The following MAP2K5 variants were observed in gnomAD, a reference collection of about 807,000 sequenced individuals.
MAP2K5 encodes mitogen-activated protein kinase kinase 5.
A neutral mutation model predicts 83.1 loss-of-function variants in MAP2K5; 49 were observed. The observed-to-expected ratio is 0.59, with a 90% CI of 0.47 to 0.75. The LOEUF (loss-of-function observed/expected upper bound fraction) is 0.75. Among genes scored for constraint, MAP2K5 ranks in the 30% least tolerant of loss-of-function variants. The probability of loss-of-function intolerance (pLI) is 0.00; values close to 1 mark genes in which losing one functional copy is unlikely to be tolerated. For synonymous variants in MAP2K5, 202 were observed against 191.8 expected (o/e 1.05, Z -0.44); for missense variants, 457 against 557.5 (o/e 0.82, Z 1.82).
chr15:67,738,886 T>C lies in MAP2K5; in HGVS notation c.1075-9345T>C, dbSNP rs965386186. The stretch of plus-strand genomic sequence containing the variant: ...CTGTCCACACCTTCAGCCCTCTTGC[T>C]CATCACCATCTCCCTCCGATTACTT... On this transcript the variant is annotated intron_variant, in intron 17 of 21. Transcript: ENST00000178640. The surrounding 1 kb of genome is among the most constrained non-coding windows in gnomAD (Gnocchi z 4.1). 1.3e-5 allele frequency among the ~76,000 whole-genome samples: 2 copies of C among 152,214 alleles called. No individual in the cohort carries two copies. Among genetic ancestry groups the C allele is most frequent in the African/African-American group, 2.4e-5 (1 of 41,452 alleles).
At chr15:67,610,108 A>C (rs28489575) in intron 8 of MAP2K5, among the ~76,000 whole-genome samples, 3 of 152,208 alleles carry the variant, frequency 2.0e-5, no homozygotes, top group African/African-American at 7.2e-5. Context: ...TCCCAAGCCA[A>C]GGTTTTTCTG....
At chr15:67,763,978 T>C (rs957515100) in intron 19 of MAP2K5, among the ~76,000 whole-genome samples, 4 of 152,234 alleles carry the variant, frequency 2.6e-5, no homozygotes, top group African/African-American at 9.6e-5. Flanking sequence ...TTTTAAATTA[T>C]AGAGTGTGAC....
chr15:67,648,532 T>C (rs752343125), intron 11 of MAP2K5, among the ~76,000 whole-genome samples: 1 of 152,126 alleles, frequency 6.6e-6, no homozygotes, highest in Non-Finnish European at 1.5e-5. Context: ...AATGCTACTC[T>C]ATATATTTGT....
rs974017102 is a variant in MAP2K5, at chr15:67,616,398, G to A, written c.546-14490G>A. Among the ~76,000 whole-genome samples, 4 of 151,518 alleles carry A rather than the reference G, an allele frequency of 2.6e-5. No homozygotes were observed. In the South Asian group the frequency reaches 6.2e-4, roughly 24 times the overall value. ...GACAATGATTTATTTGTCTTGTCTC[G>A]ATCAAACTTTTTCATAATGAATCAG... On this transcript the variant is annotated intron_variant, in intron 8 of 21. Transcript: ENST00000178640.
At chr15:67,604,009 T>G (rs6494674) in intron 8 of MAP2K5, among the ~76,000 whole-genome samples, 149,236 of 152,364 alleles carry the variant, frequency 0.98, 73,172 homozygotes, top group Middle Eastern at 1. Flanking sequence ...TTGATGGAAT[T>G]TTGGGAATTT....
chr15:67,704,154 A>G (rs1293605389), intron 16 of MAP2K5, among the ~76,000 whole-genome samples: 1 of 152,258 alleles, frequency 6.6e-6, no homozygotes, highest in Non-Finnish European at 1.5e-5. Flanking sequence ...TTAGAAGGAC[A>G]TATGGCTCAG....
chr15:67,641,428 G>A, intron 9 of MAP2K5: 1 of 939,358 alleles, frequency 1.1e-6, no homozygotes, highest in Non-Finnish European at 1.3e-6. Flanking sequence ...CTGTGATTTT[G>A]CTCTCTTTCC....
chr15:67,632,319 T>C (rs967550491), intron 9 of MAP2K5, among the ~76,000 whole-genome samples: 24 of 152,172 alleles, frequency 1.6e-4, no homozygotes, highest in African/African-American at 5.8e-4. Flanking sequence ...AAGCTGGTCA[T>C]GAACTCCTGG....
intron 19 of MAP2K5, among the ~76,000 whole-genome samples, chr15:67,766,275 G>A (rs1032355038): frequency 1.3e-5 from 2 of 152,186 alleles, no homozygotes; most frequent in African/African-American, 2.4e-5. Context: ...TGTGTCCACT[G>A]CTTCGTTCTT....
At position 67,775,158 on chromosome 15, in the gene MAP2K5, A is replaced by G. The variant is rs1459977724; in HGVS notation, c.1242+2406A>G. Among the ~76,000 whole-genome samples, 2 of 152,234 alleles carry G rather than the reference A, an allele frequency of 1.3e-5. No individual in the cohort carries two copies. Among genetic ancestry groups the G allele is most frequent in the South Asian group, 2.1e-4 (1 of 4,830 alleles). On this transcript the variant is annotated intron_variant, in intron 21 of 21. Transcript: ENST00000178640. This position sits in a 1 kb window ranked among gnomAD's most constrained non-coding sequence, Gnocchi z 5.3. ...ATACCCCTTATCGAATCATAAAATC[A>G]TCATCTTGGCAGTTTTTGACCATGT... is the stretch of plus-strand genomic sequence containing the variant.
chr15:67,681,368 C>T (rs1412417949), intron 13 of MAP2K5, among the ~76,000 whole-genome samples: 1 of 152,204 alleles, frequency 6.6e-6, no homozygotes, highest in Non-Finnish European at 1.5e-5. Context: ...CCCACACGTA[C>T]ATGTATGCTC....
At chr15:67,683,923 C>T (rs1178915482) in intron 13 of MAP2K5, among the ~76,000 whole-genome samples, 1 of 152,142 alleles carries the variant, frequency 6.6e-6, no homozygotes, top group East Asian at 1.9e-4. Context: ...ACAGTGATCC[C>T]TGAGAGAACA....
In MAP2K5 at chr15:67,717,729, G is replaced by A. The variant is rs772975681; in HGVS notation, c.1045-10187G>A. Reference sequence around the variant, plus strand: ...GAAGATCCAAGATGACTTCATATGCGTGTATGATGCTTTGGTGGGGATGGC... The same window carrying A: ...GAAGATCCAAGATGACTTCATATGCATGTATGATGCTTTGGTGGGGATGGC... On this transcript the variant is annotated intron_variant, in intron 16 of 21. Transcript: ENST00000178640. The surrounding 1 kb of genome is among the most constrained non-coding windows in gnomAD (Gnocchi z 4.1). Among the ~76,000 whole-genome samples, 7 of 152,176 alleles carry A rather than the reference G, an allele frequency of 4.6e-5. No individual in the cohort carries two copies. The highest frequency in any genetic ancestry group is 7.3e-5 in the Non-Finnish European group (5 of 68,030).
rs1456375769 is a variant in MAP2K5 at position 67,806,778 on chromosome 15, G to A, written c.*28G>A. The stretch of plus-strand genomic sequence containing the variant: ...CTGCCGCAGGGCACTGAAAGCCCAG[G>A]ACCAGTAACCAAGGAGAACAACCCA... On this transcript the variant is annotated 3_prime_UTR_variant, in exon 22 of 22. Coordinates refer to ENST00000178640, the MANE Select transcript of MAP2K5 (RefSeq NM_145160.3). 1.3e-6 allele frequency: 2 copies of A among 1,584,158 alleles called. No individual in the cohort carries two copies. The highest frequency in any genetic ancestry group is 1.7e-6 in the Non-Finnish European group (2 of 1,170,494).
At chr15:67,745,310 C>A (rs1051881977) in intron 17 of MAP2K5, among the ~76,000 whole-genome samples, 1 of 152,230 alleles carries the variant, frequency 6.6e-6, no homozygotes, top group African/African-American at 2.4e-5. Flanking sequence ...TCTGCTCTCA[C>A]AGCTAAGCAT....
At chr15:67,712,636 C>T (rs769714598) in intron 16 of MAP2K5, among the ~76,000 whole-genome samples, 2 of 151,960 alleles carry the variant, frequency 1.3e-5, no homozygotes, top group African/African-American at 2.4e-5. Flanking sequence ...AGAACCAAGT[C>T]GGCCAGGTGC....
chr15:67,589,700 C>G (rs1374923754), intron 6 of MAP2K5, among the ~76,000 whole-genome samples: 1 of 151,766 alleles, frequency 6.6e-6, no homozygotes, highest in African/African-American at 2.4e-5. Flanking sequence ...TGCATCTTTA[C>G]AATAATTGGA....
At chr15:67,658,420 A>AG (rs2087142836) in intron 11 of MAP2K5, 133 bp from the exon 12 acceptor site, 1 of 652,822 alleles carries the variant, frequency 1.5e-6, no homozygotes, top group Non-Finnish European at 2.7e-6. Context: ...TGGACTAAAA[A>AG]GTTTTATACT....
chr15:67,656,805 G>T (rs1305268980), intron 11 of MAP2K5, among the ~76,000 whole-genome samples: 1 of 152,024 alleles, frequency 6.6e-6, no homozygotes, highest in African/African-American at 2.4e-5. Flanking sequence ...ATGTTTGATA[G>T]GTCTAACAGT....
Sources: allele counts gnomAD v4.1 joint callset (sites outside exome capture counted in the v4.1 genomes callset), GRCh38; gene constraint gnomAD v4.1.1; non-coding constraint Gnocchi (gnomAD v3.1); transcripts MANE v1.5; gene names NCBI Gene and HGNC (gene_info 2026-07-23, HGNC 2026-07-21).